DLG2: variants seen among roughly 807,000 people sequenced by gnomAD.
DLG2 encodes the protein discs large MAGUK scaffold protein 2.
DLG2 carries 45 observed loss-of-function variants against 132.5 expected under a neutral mutation model. The ratio of observed to expected loss-of-function variants is 0.34; its 90% CI spans 0.27 to 0.44. The LOEUF is 0.44. Ranked by LOEUF, DLG2 falls within the 20% of genes least tolerant of loss-of-function variation. The pLI, the probability that DLG2 is intolerant of heterozygous loss-of-function variation, is 1.00. For synonymous variants in DLG2, 424 were observed against 419.6 expected (o/e 1.01, Z -0.13); for missense variants, 1,045 against 1,196.9 (o/e 0.87, Z 1.87).
chr11:85,420,206 C>A (rs2090181926), intron 3 of DLG2, among the ~76,000 whole-genome samples: 1 of 152,192 alleles, frequency 6.6e-6, no homozygotes, highest in Admixed American at 6.5e-5. Flanking sequence ...TGCAGGTCTG[C>A]TGGAGTTTGC....
At chr11:84,845,828 C>T (rs2081394542) in intron 6 of DLG2, among the ~76,000 whole-genome samples, 1 of 151,744 alleles carries the variant, frequency 6.6e-6, no homozygotes, top group Admixed American at 6.6e-5. Flanking sequence ...TAGAGATGCA[C>T]ACCAACACAC....
chr11:85,207,787 T>C (rs1192931264), intron 4 of DLG2, among the ~76,000 whole-genome samples: 1 of 152,074 alleles, frequency 6.6e-6, no homozygotes, highest in African/African-American at 2.4e-5. Flanking sequence ...TTATATCACA[T>C]TGTGTGCAGA....
intron 2 of DLG2, among the ~76,000 whole-genome samples, chr11:85,613,290 T>C (rs1318937917): frequency 6.6e-6 from 1 of 152,098 alleles, no homozygotes; most frequent in Non-Finnish European, 1.5e-5. Flanking sequence ...AACTAACAAC[T>C]TCTACTGAGG....
At chr11:85,400,724 T>C (rs1267286635) in intron 3 of DLG2, among the ~76,000 whole-genome samples, 2 of 150,276 alleles carry the variant, frequency 1.3e-5, no homozygotes, top group Admixed American at 6.7e-5. Context: ...TAGATGGGAA[T>C]TGAACAATGA....
intron 6 of DLG2, among the ~76,000 whole-genome samples, chr11:84,684,064 A>G (rs1284009566): frequency 6.6e-6 from 1 of 152,210 alleles, no homozygotes; most frequent in Non-Finnish European, 1.5e-5. Flanking sequence ...TGCCTCATGA[A>G]TAAAAAATGT....
intron 8 of DLG2, among the ~76,000 whole-genome samples, chr11:84,228,394 C>G (rs573942390): frequency 1.1e-3 from 162 of 152,214 alleles, no homozygotes; most frequent in Admixed American, 2.2e-3. Flanking sequence ...GGCAGCTGCT[C>G]AATTGTTAGT....
At chr11:85,022,823 A>C (rs2060196693) in intron 6 of DLG2, among the ~76,000 whole-genome samples, 1 of 152,090 alleles carries the variant, frequency 6.6e-6, no homozygotes, top group African/African-American at 2.4e-5. Flanking sequence ...ACCAGGTGCA[A>C]TGCATACCAT....
chr11:84,635,802 A>G (rs570782690), intron 6 of DLG2, among the ~76,000 whole-genome samples: 1 of 152,278 alleles, frequency 6.6e-6, no homozygotes, highest in East Asian at 1.9e-4. Flanking sequence ...ATCACATACT[A>G]AGAAAGTGGT....
At chr11:83,703,545 A>T (rs2083345383) in intron 18 of DLG2, among the ~76,000 whole-genome samples, 1 of 152,186 alleles carries the variant, frequency 6.6e-6, no homozygotes, top group South Asian at 2.1e-4. Context: ...GCTAATCGGG[A>T]GGCTGAGACA....
At chr11:84,592,289 G>T (rs1460587990) in intron 6 of DLG2, among the ~76,000 whole-genome samples, 1 of 152,270 alleles carries the variant, frequency 6.6e-6, no homozygotes, top group Non-Finnish European at 1.5e-5. Context: ...TGGGCAATAA[G>T]CCAGAACTCA....
chr11:83,573,645 T>C (rs1320623589), intron 19 of DLG2, among the ~76,000 whole-genome samples: 1 of 152,018 alleles, frequency 6.6e-6, no homozygotes, highest in African/African-American at 2.4e-5. Context: ...TTGAGAAGAG[T>C]AGATAATTGT....
intron 7 of DLG2, among the ~76,000 whole-genome samples, chr11:84,286,553 C>A (rs1008748899): frequency 7.9e-5 from 12 of 152,118 alleles, no homozygotes; most frequent in African/African-American, 2.9e-4. Context: ...TAAGTATGGC[C>A]AAGCAGAAAA....
intron 18 of DLG2, among the ~76,000 whole-genome samples, chr11:83,701,072 T>C (rs1237077311): frequency 2.6e-5 from 4 of 152,180 alleles, no homozygotes; most frequent in African/African-American, 9.6e-5. Flanking sequence ...GTTAGATGCT[T>C]CTTTAAGTAG....
intron 6 of DLG2, among the ~76,000 whole-genome samples, chr11:84,738,800 A>G (rs955433051): frequency 1.3e-5 from 2 of 152,178 alleles, no homozygotes; most frequent in African/African-American, 4.8e-5. Context: ...ATGAAAACAT[A>G]TGTCTACACA....
At chr11:84,634,544 C>T (rs900350861) in intron 6 of DLG2, among the ~76,000 whole-genome samples, 1 of 152,116 alleles carries the variant, frequency 6.6e-6, no homozygotes. Context: ...TGTTTCTGCA[C>T]CTTACTTTCA....
intron 4 of DLG2, among the ~76,000 whole-genome samples, chr11:85,199,014 T>C (rs2081261058): frequency 6.6e-6 from 1 of 152,192 alleles, no homozygotes; most frequent in Non-Finnish European, 1.5e-5. Context: ...GGCAGTACTA[T>C]AAAGTTAAAT....
chr11:84,025,698 A>G (rs745727219), intron 11 of DLG2, among the ~76,000 whole-genome samples: 1 of 152,122 alleles, frequency 6.6e-6, no homozygotes, highest in Non-Finnish European at 1.5e-5. Context: ...AACAAACACC[A>G]TATTTTATTA....
At chr11:84,293,966 C>A (rs2098048824) in intron 7 of DLG2, among the ~76,000 whole-genome samples, 1 of 152,222 alleles carries the variant, frequency 6.6e-6, no homozygotes, top group Admixed American at 6.5e-5. Flanking sequence ...TTCCTTCCCT[C>A]CCTGGACCAC....
chr11:83,862,319 G>A (rs947074637), intron 16 of DLG2, among the ~76,000 whole-genome samples: 3 of 152,222 alleles, frequency 2.0e-5, no homozygotes, highest in South Asian at 4.2e-4. Flanking sequence ...AGGTCATTAT[G>A]TTAAGTGAAA....
Sources: allele counts gnomAD v4.1 joint callset (sites outside exome capture counted in the v4.1 genomes callset), GRCh38; gene constraint gnomAD v4.1.1; transcripts MANE v1.5; gene names NCBI Gene and HGNC (gene_info 2026-07-23, HGNC 2026-07-21).